The following COL21A1 variants were observed in gnomAD, a reference collection of about 807,000 sequenced individuals.
COL21A1 encodes collagen type XXI alpha 1 chain, also known as collagen alpha-1(XXI) chain.
Under a neutral mutation model 137.9 loss-of-function variants are expected in COL21A1, and 149 were observed. The observed-to-expected ratio is 1.08, with a 90% CI of 0.95 to 1.24. COL21A1 has a LOEUF of 1.24. Among genes scored for constraint, COL21A1 ranks in the 50% most tolerant of loss-of-function variants. COL21A1 has a pLI of 0.00. For missense variants in COL21A1, 1,167 were observed against 1,158.4 expected, an observed-to-expected ratio of 1.01 and a Z score of -0.11; for synonymous variants, 456 against 391.5, an observed-to-expected ratio of 1.16 and a Z score of -1.95.
chr6:56,383,579 C>G (rs775747631), intron 1 of COL21A1, among the ~76,000 whole-genome samples: 3 of 152,152 alleles, frequency 2.0e-5, no homozygotes, highest in Non-Finnish European at 4.4e-5. Flanking sequence ...CCGGGTTATT[C>G]TCACAGATTC....
At chr6:56,116,264 A>G (rs1771907851) in intron 16 of COL21A1, among the ~76,000 whole-genome samples, 1 of 152,042 alleles carries the variant, frequency 6.6e-6, no homozygotes, top group Admixed American at 6.6e-5. Flanking sequence ...GGATCCTAGA[A>G]GCAGCAAACG....
intron 1 of COL21A1, among the ~76,000 whole-genome samples, chr6:56,385,860 T>C (rs1248841518): frequency 6.6e-6 from 1 of 152,182 alleles, no homozygotes; most frequent in Non-Finnish European, 1.5e-5. Context: ...CATAATGCTT[T>C]TGAGGTTCTT....
chr6:56,192,555 A>T (rs1778759712), intron 1 of COL21A1, among the ~76,000 whole-genome samples: 1 of 152,222 alleles, frequency 6.6e-6, no homozygotes, highest in African/African-American at 2.4e-5. Flanking sequence ...TCAAAAGAAG[A>T]CATTTATGCA....
intron 12 of COL21A1, among the ~76,000 whole-genome samples, chr6:56,140,243 TA>T (rs1370439587): frequency 1.3e-5 from 2 of 152,182 alleles, no homozygotes; most frequent in Non-Finnish European, 2.9e-5. Flanking sequence ...AAGCATGTAA[TA>T]AAATTAGTTA....
intron 1 of COL21A1, among the ~76,000 whole-genome samples, chr6:56,209,285 T>C (rs757324520): frequency 6.6e-6 from 1 of 152,112 alleles, no homozygotes; most frequent in Non-Finnish European, 1.5e-5. Flanking sequence ...AAATGGGATC[T>C]AATTAAACTA....
intron 1 of COL21A1, among the ~76,000 whole-genome samples, chr6:56,343,654 T>C (rs1765519180): frequency 1.3e-5 from 2 of 152,318 alleles, no homozygotes; most frequent in African/African-American, 2.4e-5. Context: ...TAATAATTGA[T>C]TGTAGGCCAG....
intron 1 of COL21A1, among the ~76,000 whole-genome samples, chr6:56,369,513 G>GA (rs1171112806): frequency 6.6e-6 from 1 of 151,514 alleles, no homozygotes. Flanking sequence ...AAAAAATAAA[G>GA]AAAAAAAACT....
chr6:56,114,480 AAAAC>A (rs1192474317), intron 16 of COL21A1, among the ~76,000 whole-genome samples: 1 of 152,234 alleles, frequency 6.6e-6, no homozygotes, highest in Non-Finnish European at 1.5e-5. Flanking sequence ...TTACAAGATA[AAAAC>A]AAACAACCCC....
intron 17 of COL21A1, among the ~76,000 whole-genome samples, chr6:56,092,092 G>A (rs1768871098): frequency 6.6e-6 from 1 of 151,660 alleles, no homozygotes; most frequent in South Asian, 2.1e-4. Context: ...AGCAAAGTTG[G>A]CATCTTTTAA....
chr6:56,324,422 A>G (rs1367949085), intron 1 of COL21A1, among the ~76,000 whole-genome samples: 2 of 152,102 alleles, frequency 1.3e-5, no homozygotes, highest in African/African-American at 4.8e-5. Context: ...CCTTCTTTCT[A>G]TGGTCCAGTG....
rs140274265 is a variant in COL21A1 at position 56,293,949 on chromosome 6, G to A, written c.-39+100022C>T. Among the ~76,000 whole-genome samples, 375 of 152,232 alleles carry A rather than the reference G, an allele frequency of 2.5e-3. 2 individuals are homozygous for A. The highest frequency in any genetic ancestry group is 0.015 in the South Asian group (71 of 4,822). Reference sequence around the variant, plus strand: ...ACTGTAACAGCTGAGATGCGCTAGCGCCTTTTGGAATTTATCCTGGTTTAT... The same window carrying A: ...ACTGTAACAGCTGAGATGCGCTAGCACCTTTTGGAATTTATCCTGGTTTAT... On this transcript the variant is annotated intron_variant, in intron 1 of 28. Coordinates refer to the COL21A1 transcript ENST00000370819.
chr6:56,192,835 TA>T (rs1170620957), intron 1 of COL21A1, among the ~76,000 whole-genome samples: 1 of 151,696 alleles, frequency 6.6e-6, no homozygotes, highest in Non-Finnish European at 1.5e-5. Context: ...CCCAGGATTA[TA>T]AATCATTCTA....
intron 12 of COL21A1, among the ~76,000 whole-genome samples, chr6:56,131,534 A>G (rs575959731): frequency 6.6e-6 from 1 of 152,208 alleles, no homozygotes; most frequent in African/African-American, 2.4e-5. Context: ...ATGAAATCAA[A>G]GATGTGGCTA....
chr6:56,207,751 AT>A (rs1451816894), intron 1 of COL21A1, among the ~76,000 whole-genome samples: 12 of 152,326 alleles, frequency 7.9e-5, no homozygotes, highest in African/African-American at 2.9e-4. Flanking sequence ...TTTCAGGTAA[AT>A]ATCCCTGATG....
At chr6:56,347,100 C>A (rs1346814868) in intron 1 of COL21A1, among the ~76,000 whole-genome samples, 1 of 152,200 alleles carries the variant, frequency 6.6e-6, no homozygotes, top group Non-Finnish European at 1.5e-5. Context: ...CTGCACCAAA[C>A]TGAAGAATGA....
At chr6:56,186,639 T>C (rs1778325339) in intron 1 of COL21A1, among the ~76,000 whole-genome samples, 1 of 152,192 alleles carries the variant, frequency 6.6e-6, no homozygotes, top group Non-Finnish European at 1.5e-5. Flanking sequence ...AAAGTGAATT[T>C]AGCAAGGTCA....
intron 17 of COL21A1, among the ~76,000 whole-genome samples, chr6:56,096,571 A>G (rs1336116389): frequency 6.6e-6 from 1 of 152,244 alleles, no homozygotes; most frequent in African/African-American, 2.4e-5. Flanking sequence ...AATTCAAAGT[A>G]CTGACATGTG....
intron 1 of COL21A1, among the ~76,000 whole-genome samples, chr6:56,362,240 T>C (rs11751569): frequency 0.21 from 31,812 of 152,162 alleles, 3,898 homozygotes; most frequent in Middle Eastern, 0.33. Context: ...ATTTTAAATG[T>C]ATAATCGTGT....
intron 17 of COL21A1, among the ~76,000 whole-genome samples, chr6:56,092,856 A>T (rs1255632551): frequency 1.3e-5 from 2 of 152,182 alleles, no homozygotes; most frequent in Non-Finnish European, 2.9e-5. Flanking sequence ...GGAATGCACA[A>T]GTCTGAAGTC....
Sources: gnomAD v4.1 joint callset for allele counts (sites outside exome capture counted in the v4.1 genomes callset) on GRCh38, gnomAD v4.1.1 for gene constraint, MANE v1.5 for transcripts, NCBI Gene and HGNC (gene_info 2026-07-23, HGNC 2026-07-21) for gene names.